Variants in SPATA12 observed in about 807,000 individuals in gnomAD.
SPATA12 encodes spermatogenesis associated 12.
For missense variants in SPATA12, 219 were observed against 226.4 expected (o/e 0.97, Z 0.21); for synonymous variants, 85 against 89.2 (o/e 0.95, Z 0.26).
chr3:57,074,131 G>C lies in SPATA12; in HGVS notation c.437G>C (p.Arg146Thr). 1 of 1,614,040 alleles carries C rather than the reference G, an allele frequency of 6.2e-7. No individual in the cohort carries two copies. The highest frequency in any genetic ancestry group is 8.5e-7 in the Non-Finnish European group (1 of 1,179,880). Reference sequence around the variant, plus strand: ...GAGAGGACCACAGGATGGTTGTGGAGACTGTGTGAGGATATAGATGCCGAG... The same window carrying C: ...GAGAGGACCACAGGATGGTTGTGGACACTGTGTGAGGATATAGATGCCGAG... ...DNERTTGWLW[R>T]LCEDIDAEPS... is the part of the protein sequence containing the mutation. The change falls in exon 2 of 2, where the codon AGA (arginine) becomes ACA (threonine). Residue 146 changes from arginine to threonine, a missense_variant. Physicochemically the swap from Arg to Thr is moderately conservative, Grantham distance 71. Coordinates refer to ENST00000334325, the MANE Select transcript of SPATA12 (RefSeq NM_181727.2).
intron 1 of SPATA12, among the ~76,000 whole-genome samples, chr3:57,071,611 G>C (rs1051749467): frequency 6.8e-6 from 1 of 147,562 alleles, no homozygotes; most frequent in Non-Finnish European, 1.5e-5. Flanking sequence ...AGTGAGCCGA[G>C]ATCATGCCAC....
Position 57,073,653 on chromosome 3 carries a change from C to T in SPATA12, c.-42C>T, listed in dbSNP as rs772465538. 6 of 1,575,988 alleles carry T rather than the reference C, an allele frequency of 3.8e-6. No homozygotes were observed. The highest frequency in any genetic ancestry group is 5.2e-6 in the Non-Finnish European group (6 of 1,162,174). ...AGGGATTGGCTCCGGCCAAGTGCCCCAGCCTCCTTTTCTGGAGAATTCTGT... is the reference window on the plus strand; with the variant it reads ...AGGGATTGGCTCCGGCCAAGTGCCCTAGCCTCCTTTTCTGGAGAATTCTGT... On this transcript the variant is annotated 5_prime_UTR_variant, in exon 2 of 2. Coordinates refer to ENST00000334325, the MANE Select transcript of SPATA12 (RefSeq NM_181727.2).
At chr3:57,064,868 A>C (rs1327285614) in intron 1 of SPATA12, among the ~76,000 whole-genome samples, 1 of 152,250 alleles carries the variant, frequency 6.6e-6, no homozygotes, top group Non-Finnish European at 1.5e-5. Flanking sequence ...TTGCACAATA[A>C]TATCAGTATA....
intron 1 of SPATA12, among the ~76,000 whole-genome samples, chr3:57,067,794 A>T (rs1457568595): frequency 2.7e-5 from 4 of 150,184 alleles, no homozygotes; most frequent in Non-Finnish European, 3.0e-5. Flanking sequence ...ATTGGCTAAC[A>T]CGGTGAAACC....
chr3:57,070,968 T>G (rs1169521593), intron 1 of SPATA12, among the ~76,000 whole-genome samples: 1 of 99,428 alleles, frequency 1.0e-5, no homozygotes, highest in African/African-American at 4.8e-5. Context: ...CAAGACTCTG[T>G]CACAAAAAAA....
chr3:57,068,187 A>ACACC (rs1454425658), intron 1 of SPATA12, among the ~76,000 whole-genome samples: 2 of 151,478 alleles, frequency 1.3e-5, no homozygotes, highest in Non-Finnish European at 2.9e-5. Context: ...ACACACACAC[A>ACACC]CACCAGGTTA....
At chr3:57,066,334 T>C (rs1384804883) in intron 1 of SPATA12, among the ~76,000 whole-genome samples, 3 of 151,964 alleles carry the variant, frequency 2.0e-5, no homozygotes, top group African/African-American at 7.2e-5. Context: ...TGATCTTGGC[T>C]CACCGCAACC....
rs754844232 is a variant in SPATA12 at position 57,064,195 on chromosome 3, G to C, written c.-330+3409G>C. Among the ~76,000 whole-genome samples the C allele has an allele frequency of 3.9e-5, 6 of 152,300 alleles. No homozygotes were observed. The South Asian group carries it at 6.2e-4, about 16-fold the overall frequency. On this transcript the variant is annotated intron_variant, in intron 1 of 1. Transcript: ENST00000334325. ...GAGGTCAGAGGATTGCTTGAGCCTG[G>C]GGGGTAGAGGTTGCAGTGAGCTGAG...
At chr3:57,065,302 A>G (rs1436757203) in intron 1 of SPATA12, among the ~76,000 whole-genome samples, 1 of 152,158 alleles carries the variant, frequency 6.6e-6, no homozygotes, top group Non-Finnish European at 1.5e-5. Context: ...TCTCTACGAA[A>G]AATACAAAAT....
chr3:57,063,833 G>A (rs1327125349), intron 1 of SPATA12, among the ~76,000 whole-genome samples: 1 of 152,224 alleles, frequency 6.6e-6, no homozygotes, highest in Non-Finnish European at 1.5e-5. Context: ...TGCCTGAAAT[G>A]AGGGGCTCAA....
rs1231328722 is a variant in SPATA12, at chr3:57,070,971, C to CAA, written c.-329-2380_-329-2379dup. ...TGGGTGACAGAGCAAGACTCTGTCACAAAAAAAAAAAAAAAAGAAAGAAAG... is the reference window on the plus strand; with the variant it reads ...TGGGTGACAGAGCAAGACTCTGTCACAAAAAAAAAAAAAAAAAAGAAAGAAAG... On this transcript the variant is annotated intron_variant, in intron 1 of 1. Transcript: ENST00000334325. Among the ~76,000 whole-genome samples the CAA allele has an allele frequency of 3.4e-3, 168 of 49,650 alleles. 1 individual carries two copies. The highest frequency in any genetic ancestry group is 9.5e-3 in the African/African-American group (152 of 15,982). 32.6% of individuals were successfully genotyped at this position (49,650 alleles called of 152,430 possible).
intron 1 of SPATA12, among the ~76,000 whole-genome samples, chr3:57,070,730 G>A (rs532053521): frequency 1.3e-5 from 2 of 152,116 alleles, no homozygotes; most frequent in Non-Finnish European, 2.9e-5. Flanking sequence ...AGGCCAAGGT[G>A]GGAGGACTAC....
In SPATA12 at chr3:57,072,206, T is replaced by C. The variant is rs78654967; in HGVS notation, c.-329-1160T>C. On this transcript the variant is annotated intron_variant, in intron 1 of 1. Transcript: ENST00000334325. ...ACAGTGCAGCCACTTTGGAAACAGTTTGGCAGTTCCTCAAAATGTTAAGAG... is the reference window on the plus strand; with the variant it reads ...ACAGTGCAGCCACTTTGGAAACAGTCTGGCAGTTCCTCAAAATGTTAAGAG... 4.8e-4 allele frequency among the ~76,000 whole-genome samples: 73 copies of C among 152,288 alleles called. 1 individual carries two copies. In the East Asian group the frequency reaches 0.013, roughly 27 times the overall value.
In SPATA12 at chr3:57,064,486, C is replaced by A. The variant is rs569626542; in HGVS notation, c.-330+3700C>A. Among the ~76,000 whole-genome samples the A allele has an allele frequency of 2.0e-5, 3 of 152,210 alleles. No individual in the cohort carries two copies. The South Asian group carries it at 6.2e-4, about 32-fold the overall frequency. ...TACAGGTGCATGCCACCACGCCCAG[C>A]AAATTGCTGTATTTTTTGTAGACAG... On this transcript the variant is annotated intron_variant, in intron 1 of 1. Transcript: ENST00000334325.
intron 1 of SPATA12, among the ~76,000 whole-genome samples, chr3:57,066,708 T>C (rs1362105611): frequency 2.0e-5 from 3 of 152,182 alleles, no homozygotes; most frequent in Admixed American, 6.5e-5. Context: ...ATTTTTTAGA[T>C]GAGATTAACA....
chr3:57,069,716 C>A (rs1453751269), intron 1 of SPATA12, among the ~76,000 whole-genome samples: 1 of 152,166 alleles, frequency 6.6e-6, no homozygotes, highest in Non-Finnish European at 1.5e-5. Context: ...GTGAGCACAG[C>A]TCATTGCAGC....
rs1478796691 is a variant in SPATA12, at chr3:57,074,281, T to G, written c.*14T>G. 1.9e-6 allele frequency: 3 copies of G among 1,597,400 alleles called. No homozygotes were observed. Among genetic ancestry groups the G allele is most frequent in the Non-Finnish European group, 2.6e-6 (3 of 1,168,498 alleles). ...ACACATCTGTAATCAATAATAATCCTGCAACATCTGAGAGTCTGGCAGCTG... is the reference window on the plus strand; with the variant it reads ...ACACATCTGTAATCAATAATAATCCGGCAACATCTGAGAGTCTGGCAGCTG... On this transcript the variant is annotated 3_prime_UTR_variant, in exon 2 of 2. Coordinates refer to ENST00000334325, the MANE Select transcript of SPATA12 (RefSeq NM_181727.2).
In SPATA12 at chr3:57,074,549, T is replaced by A; in HGVS notation, c.*282T>A. On this transcript the variant is annotated 3_prime_UTR_variant, in exon 2 of 2. Transcript: ENST00000334325. Reference sequence around the variant, plus strand: ...CCCGGGGAACCTTCACTGTATTAAATGACATCAATTGATCAATCAATCGAT... The same window carrying A: ...CCCGGGGAACCTTCACTGTATTAAAAGACATCAATTGATCAATCAATCGAT... 1 of 406,088 alleles carries A rather than the reference T, an allele frequency of 2.5e-6. No individual in the cohort carries two copies. Among genetic ancestry groups the A allele is most frequent in the Non-Finnish European group, 4.6e-6 (1 of 216,816 alleles). 25.2% of individuals were successfully genotyped at this position (406,088 alleles called of 1,614,324 possible).
chr3:57,068,644 C>T (rs1240054693), intron 1 of SPATA12, among the ~76,000 whole-genome samples: 1 of 152,160 alleles, frequency 6.6e-6, no homozygotes. Context: ...AGAAACAGTC[C>T]TCCCCACCCC....
Sources: allele counts gnomAD v4.1 joint callset (sites outside exome capture counted in the v4.1 genomes callset), GRCh38; gene constraint gnomAD v4.1.1; transcripts MANE v1.5; gene names NCBI Gene and HGNC (gene_info 2026-07-23, HGNC 2026-07-21).